Variants in NRXN3 observed in about 807,000 individuals in gnomAD.
NRXN3 encodes neurexin 3.
NRXN3 carries 32 observed loss-of-function variants against 137.6 expected under a neutral mutation model. That is an observed-to-expected ratio of 0.23 (90% CI 0.18 to 0.31). The LOEUF (loss-of-function observed/expected upper bound fraction) is 0.31. Ranked by LOEUF, NRXN3 falls within the 10% of genes least tolerant of loss-of-function variation. The pLI is 1.00. For synonymous variants in NRXN3, 798 were observed against 784.5 expected, an observed-to-expected ratio of 1.02 and a Z score of -0.29; for missense variants, 1,574 against 2,062.5, an observed-to-expected ratio of 0.76 and a Z score of 4.59.
chr14:78,801,529 G>A (rs2098838901), intron 8 of NRXN3, among the ~76,000 whole-genome samples: 3 of 152,080 alleles, frequency 2.0e-5, no homozygotes, highest in Admixed American at 2.0e-4. Context: ...GATAGTGTGA[G>A]AACTCATGAG....
At chr14:79,557,621 G>A (rs1432062875) in intron 16 of NRXN3, among the ~76,000 whole-genome samples, 1 of 152,060 alleles carries the variant, frequency 6.6e-6, no homozygotes, top group Admixed American at 6.6e-5. Flanking sequence ...TAAAAGTAAT[G>A]TACAAACCTT....
chr14:79,753,796 C>G (rs949835265), intron 19 of NRXN3, among the ~76,000 whole-genome samples: 2 of 151,986 alleles, frequency 1.3e-5, no homozygotes, highest in African/African-American at 4.8e-5. Context: ...ATATGCCTAA[C>G]ACGATGTGAG....
intron 6 of NRXN3, 88 bp from the exon 7 acceptor site, chr14:78,709,129 G>T: frequency 4.0e-6 from 5 of 1,243,260 alleles, no homozygotes; most frequent in Admixed American, 2.4e-5. Context: ...GCCTCTTTTT[G>T]GGTCATTTTT....
chr14:78,686,695 A>C (rs189744148), intron 6 of NRXN3, among the ~76,000 whole-genome samples: 274 of 152,332 alleles, frequency 1.8e-3, no homozygotes, highest in African/African-American at 5.4e-3. Flanking sequence ...ATATATATGA[A>C]GTAAAAAATC....
chr14:79,860,826 T>TA (rs2099412578), intron 20 of NRXN3, among the ~76,000 whole-genome samples: 1 of 152,096 alleles, frequency 6.6e-6, no homozygotes, highest in Admixed American at 6.5e-5. Context: ...AGAGTATCTT[T>TA]AAAAAATCTA....
At chr14:78,880,544 C>A (rs892625503) in intron 10 of NRXN3, among the ~76,000 whole-genome samples, 1 of 152,090 alleles carries the variant, frequency 6.6e-6, no homozygotes, top group African/African-American at 2.4e-5. Flanking sequence ...TTTCCCACTC[C>A]CTGGCTTTCT....
chr14:79,233,666 CTG>C (rs143246182), intron 15 of NRXN3, among the ~76,000 whole-genome samples: 1,615 of 144,536 alleles, frequency 0.011, 32 homozygotes, highest in South Asian at 0.09. Context: ...AGTATAACTG[CTG>C]TGTGTGTGTG....
chr14:79,174,729 A>G (rs2062136140), intron 15 of NRXN3, among the ~76,000 whole-genome samples: 1 of 151,836 alleles, frequency 6.6e-6, no homozygotes, highest in Non-Finnish European at 1.5e-5. Flanking sequence ...ACTATTATGC[A>G]GTCATTTTGC....
chr14:78,412,459 C>T (rs1038633763), intron 4 of NRXN3, among the ~76,000 whole-genome samples: 2 of 152,158 alleles, frequency 1.3e-5, no homozygotes, highest in African/African-American at 4.8e-5. Flanking sequence ...GATTGATACG[C>T]ACATTGTTTT....
chr14:79,002,365 C>A (rs1345014958), intron 15 of NRXN3, among the ~76,000 whole-genome samples: 2 of 152,092 alleles, frequency 1.3e-5, no homozygotes, highest in African/African-American at 2.4e-5. Flanking sequence ...TGCTCTCCCT[C>A]CTCTGATCCT....
At chr14:79,779,665 T>C (rs1199463891) in intron 19 of NRXN3, among the ~76,000 whole-genome samples, 4 of 152,168 alleles carry the variant, frequency 2.6e-5, no homozygotes, top group Admixed American at 2.6e-4. Context: ...GAACTCTCTC[T>C]ACCCCCATCC....
Position 79,467,346 on chromosome 14 carries a change from A to G in NRXN3, c.3388A>G (p.Ile1130Val). 1.9e-6 allele frequency: 3 copies of G among 1,613,306 alleles called. No homozygotes were observed. Among genetic ancestry groups the G allele is most frequent in the East Asian group, 2.2e-5 (1 of 44,848 alleles). Residue 1130 changes from isoleucine to valine, a missense_variant, in exon 16 of 21, where the codon ATC becomes GTC. Coordinates refer to ENST00000335750, the MANE Select transcript of NRXN3 (RefSeq NM_001330195.2). ...CTTCAGCACCACTGTGAAGGATGGCATCTTGGTCCGCATCGACAGTGCTCC... is the reference window on the plus strand; with the variant it reads ...CTTCAGCACCACTGTGAAGGATGGCGTCTTGGTCCGCATCGACAGTGCTCC... ...VGFSTTVKDG[I>V]LVRIDSAPGL... is the part of the protein sequence containing the mutation.
At chr14:78,494,625 A>G (rs974268734) in intron 4 of NRXN3, among the ~76,000 whole-genome samples, 1 of 152,132 alleles carries the variant, frequency 6.6e-6, no homozygotes, top group Non-Finnish European at 1.5e-5. Context: ...TGTCTGAATT[A>G]CTTAGGATAC....
At chr14:78,330,006 A>G (rs994383127) in intron 4 of NRXN3, among the ~76,000 whole-genome samples, 1 of 152,166 alleles carries the variant, frequency 6.6e-6, no homozygotes, top group Non-Finnish European at 1.5e-5. Flanking sequence ...CTCCCAGGGT[A>G]ATACTTGGTG....
At chr14:79,406,451 G>A (rs566471135) in intron 15 of NRXN3, among the ~76,000 whole-genome samples, 1 of 151,974 alleles carries the variant, frequency 6.6e-6, no homozygotes, top group South Asian at 2.1e-4. Context: ...ACAGTTGCAT[G>A]CCACAGTGCC....
At chr14:78,483,359 G>A (rs1000279314) in intron 4 of NRXN3, among the ~76,000 whole-genome samples, 1 of 152,148 alleles carries the variant, frequency 6.6e-6, no homozygotes, top group African/African-American at 2.4e-5. Context: ...CTAGTAATTA[G>A]CTCAGTGTCA....
chr14:78,661,574 G>A (rs1461474882), intron 6 of NRXN3, among the ~76,000 whole-genome samples: 1 of 152,206 alleles, frequency 6.6e-6, no homozygotes, highest in Non-Finnish European at 1.5e-5. Flanking sequence ...ACAGAAAATG[G>A]TAGAAATTGT....
chr14:78,263,873 T>TTGTGTGTG (rs3059009), intron 2 of NRXN3, among the ~76,000 whole-genome samples: 66 of 135,648 alleles, frequency 4.9e-4, no homozygotes, highest in Non-Finnish European at 6.7e-4. Flanking sequence ...CAGTTCTATT[T>TTGTGTGTG]TGTGTGTGTG....
chr14:78,272,276 C>T (rs890110777), intron 2 of NRXN3, among the ~76,000 whole-genome samples: 1 of 152,184 alleles, frequency 6.6e-6, no homozygotes, highest in Non-Finnish European at 1.5e-5. Flanking sequence ...CCCACAACTC[C>T]TGCAGACAGC....
Sources: allele counts gnomAD v4.1 joint callset (sites outside exome capture counted in the v4.1 genomes callset), GRCh38; gene constraint gnomAD v4.1.1; transcripts MANE v1.5; gene names NCBI Gene and HGNC (gene_info 2026-07-23, HGNC 2026-07-21).